The following PTGFRN variants were observed in gnomAD, a reference collection of about 807,000 sequenced individuals.
The protein encoded by PTGFRN is prostaglandin F2 receptor inhibitor, also known as prostaglandin F2 receptor negative regulator.
Under a neutral mutation model 83.2 loss-of-function variants are expected in PTGFRN, and 35 were observed. The observed-to-expected ratio is 0.42, with a 90% CI of 0.32 to 0.56. The LOEUF is 0.56. Among genes scored for constraint, PTGFRN ranks in the 20% least tolerant of loss-of-function variants. The probability of loss-of-function intolerance (pLI) is 0.11; values close to 1 mark genes in which losing one functional copy is unlikely to be tolerated. For missense variants in PTGFRN, 1,051 were observed against 1,179.5 expected (o/e 0.89, Z 1.60); for synonymous variants, 519 against 498.6 (o/e 1.04, Z -0.55).
chr1:116,911,718 C>G (rs1217113519), intron 1 of PTGFRN, among the ~76,000 whole-genome samples: 1 of 152,218 alleles, frequency 6.6e-6, no homozygotes, highest in Non-Finnish European at 1.5e-5. Context: ...CCACAGCTCA[C>G]TGAAGCCTCA....
rs551251543 is a variant in PTGFRN, at chr1:116,987,840, C to T, written c.*873C>T. ...CAGTAGTTGTGAGGCCACTGTGTCT[C>T]AGGGGACTCCAGGAGGAGCAGAAGA... On this transcript the variant is annotated 3_prime_UTR_variant, in exon 9 of 9. Coordinates refer to ENST00000393203, the MANE Select transcript of PTGFRN (RefSeq NM_020440.4). 1 of 152,766 alleles carries T rather than the reference C, an allele frequency of 6.5e-6. No individual in the cohort carries two copies. The highest frequency in any genetic ancestry group is 2.4e-5 in the African/African-American group (1 of 41,560). The allele number at this position is 152,766 out of a possible 1,614,324, so 9.5% of individuals were successfully genotyped here.
At chr1:116,973,592 A>G in intron 6 of PTGFRN, among the ~76,000 whole-genome samples, 1 of 145,186 alleles carries the variant, frequency 6.9e-6, no homozygotes, top group African/African-American at 2.7e-5. Context: ...GTGACAGAGC[A>G]AGACTCAATC....
chr1:116,964,729 G>A (rs1036256714), intron 5 of PTGFRN, among the ~76,000 whole-genome samples: 1 of 152,170 alleles, frequency 6.6e-6, no homozygotes, highest in East Asian at 1.9e-4. Flanking sequence ...TCAAAAGGAC[G>A]CTTCCCATCA....
chr1:116,955,839 C>T (rs993507600), intron 4 of PTGFRN, among the ~76,000 whole-genome samples: 6 of 152,120 alleles, frequency 3.9e-5, no homozygotes, highest in Non-Finnish European at 8.8e-5. Context: ...GACATACATA[C>T]GAATAACCAA....
At chr1:116,976,042 C>A (rs1651147905) in intron 7 of PTGFRN, among the ~76,000 whole-genome samples, 1 of 152,120 alleles carries the variant, frequency 6.6e-6, no homozygotes, top group African/African-American at 2.4e-5. Context: ...CCTTATGGAG[C>A]TGAAAACCAT....
intron 6 of PTGFRN, among the ~76,000 whole-genome samples, chr1:116,973,979 A>G (rs1047172038): frequency 2.6e-5 from 4 of 152,188 alleles, no homozygotes; most frequent in African/African-American, 9.7e-5. Flanking sequence ...GAGCAAAAGT[A>G]ATTCTTTCAG....
intron 1 of PTGFRN, among the ~76,000 whole-genome samples, chr1:116,929,300 A>G (rs1649735292): frequency 6.6e-6 from 1 of 152,224 alleles, no homozygotes; most frequent in Non-Finnish European, 1.5e-5. Context: ...GCCGGTGTTC[A>G]TCAGCTTTTG....
intron 1 of PTGFRN, among the ~76,000 whole-genome samples, chr1:116,933,274 A>G (rs896483854): frequency 6.7e-6 from 1 of 148,708 alleles, no homozygotes; most frequent in African/African-American, 2.5e-5. Flanking sequence ...TCAGTCTTTC[A>G]TTTTTGTGGT....
chr1:116,949,647 A>C, intron 4 of PTGFRN, 75 bp downstream of exon 4: 5 of 1,527,296 alleles, frequency 3.3e-6, no homozygotes, highest in Non-Finnish European at 4.4e-6. Context: ...GAGTTATCTC[A>C]GGAGGCTCTG....
chr1:116,986,693 C>T (rs1399851502), intron 8 of PTGFRN, 108 bp from the exon 9 acceptor site: 1 of 1,111,044 alleles, frequency 9.0e-7, no homozygotes, highest in Non-Finnish European at 1.3e-6. Context: ...GGAATGAGAC[C>T]TTATCTCTCG....
At chr1:116,965,506 A>G (rs1416472444) in intron 5 of PTGFRN, among the ~76,000 whole-genome samples, 2 of 151,928 alleles carry the variant, frequency 1.3e-5, no homozygotes, top group African/African-American at 2.4e-5. Context: ...GTTGATCCCA[A>G]ACTCCTGGCC....
chr1:116,920,212 A>G (rs988662826), intron 1 of PTGFRN, among the ~76,000 whole-genome samples: 2 of 152,242 alleles, frequency 1.3e-5, no homozygotes, highest in Non-Finnish European at 2.9e-5. Flanking sequence ...TTTCCTGCAC[A>G]CTAAGGATCT....
intron 8 of PTGFRN, 134 bp downstream of exon 8, chr1:116,985,119 C>T: frequency 5.4e-6 from 5 of 930,342 alleles, no homozygotes; most frequent in Non-Finnish European, 8.0e-6. Context: ...TAGACCTGGC[C>T]TGAGCCTGCA....
At chr1:116,938,372 T>C (rs1043657131) in intron 1 of PTGFRN, among the ~76,000 whole-genome samples, 7 of 152,190 alleles carry the variant, frequency 4.6e-5, no homozygotes. Context: ...CTGTTCCCCA[T>C]GGCTGAGGAA....
intron 7 of PTGFRN, among the ~76,000 whole-genome samples, chr1:116,975,068 G>A (rs1341433777): frequency 1.3e-5 from 2 of 152,214 alleles, no homozygotes; most frequent in Non-Finnish European, 2.9e-5. Context: ...CGGCACACCA[G>A]GAGATTATAT....
In PTGFRN at chr1:116,981,849, C is replaced by T. The variant is rs181961096; in HGVS notation, c.2168-2831C>T. 6.2e-4 allele frequency among the ~76,000 whole-genome samples: 94 copies of T among 152,266 alleles called. 1 individual carries two copies. Among genetic ancestry groups the T allele is most frequent in the Non-Finnish European group, 1.1e-3 (75 of 68,024 alleles). On this transcript the variant is annotated intron_variant, in intron 7 of 8. Transcript: ENST00000393203. ...GGCCTGCAGGCTGTAATTTACTGAC[C>T]CCTGGACTAGTTGATTGAACCAAAA...
intron 1 of PTGFRN, among the ~76,000 whole-genome samples, chr1:116,916,194 G>T (rs1298422341): frequency 6.6e-6 from 1 of 152,168 alleles, no homozygotes; most frequent in East Asian, 1.9e-4. Context: ...ATTGCATCCT[G>T]TTTCACACCT....
intron 3 of PTGFRN, among the ~76,000 whole-genome samples, chr1:116,946,551 T>G (rs1650207038): frequency 6.6e-6 from 1 of 152,206 alleles, no homozygotes; most frequent in Non-Finnish European, 1.5e-5. Context: ...ATTTGAATTG[T>G]AAAGACATTT....
At chr1:116,969,450 G>A (rs1206355276) in intron 6 of PTGFRN, among the ~76,000 whole-genome samples, 1 of 152,178 alleles carries the variant, frequency 6.6e-6, no homozygotes, top group Non-Finnish European at 1.5e-5. Context: ...TTCTATTTCA[G>A]TGATCTAGAT....
Sources: allele counts gnomAD v4.1 joint callset (sites outside exome capture counted in the v4.1 genomes callset), GRCh38; gene constraint gnomAD v4.1.1; transcripts MANE v1.5; gene names NCBI Gene and HGNC (gene_info 2026-07-23, HGNC 2026-07-21).